The following PCDHGA8 variants were observed in gnomAD, a reference collection of about 807,000 sequenced individuals.
The protein encoded by PCDHGA8 is protocadherin gamma-A8.
PCDHGA8 carries 45 observed loss-of-function variants against 59.2 expected under a neutral mutation model. The observed-to-expected ratio is 0.76, with a 90% CI of 0.60 to 0.98. The LOEUF is 0.98. Ranked by LOEUF, PCDHGA8 falls within the 50% of genes least tolerant of loss-of-function variation. The probability of loss-of-function intolerance (pLI) is 0.00; values close to 1 mark genes in which losing one functional copy is unlikely to be tolerated. For missense variants in PCDHGA8, 1,257 were observed against 1,196.2 expected (o/e 1.05, Z -0.75); for synonymous variants, 531 against 519.0 (o/e 1.02, Z -0.32).
At chr5:141,438,571 T>TATAC (rs1212381177) in intron 1 of PCDHGA8, among the ~76,000 whole-genome samples, 15 of 94,542 alleles carry the variant, frequency 1.6e-4, no homozygotes, top group South Asian at 1.0e-3. Flanking sequence ...AGCTGTCTGA[T>TATAC]ATACATACAT....
chr5:141,474,551 C>G (rs1032524620), intron 1 of PCDHGA8, among the ~76,000 whole-genome samples: 35 of 152,312 alleles, frequency 2.3e-4, no homozygotes, highest in Non-Finnish European at 3.5e-4. Flanking sequence ...GCATTTAAAA[C>G]TGGGGGTTTT....
At chr5:141,398,392 A>T in intron 1 of PCDHGA8, 1 of 1,456,390 alleles carries the variant, frequency 6.9e-7, no homozygotes, top group Non-Finnish European at 9.5e-7. Context: ...TGTGAGCAGC[A>T]GGCTAGACAG....
chr5:141,442,051 C>G (rs1384937090), intron 1 of PCDHGA8: 1 of 197,158 alleles, frequency 5.1e-6, no homozygotes, highest in East Asian at 1.8e-4. Context: ...CTACTGGTCG[C>G]GGTGCACTGC....
intron 1 of PCDHGA8, among the ~76,000 whole-genome samples, chr5:141,471,046 CT>C (rs1170588345): frequency 0.24 from 27,253 of 113,216 alleles, 2,739 homozygotes; most frequent in African/African-American, 0.39. Context: ...CCCAAGCCCT[CT>C]TTTTTTTTTT....
intron 1 of PCDHGA8, among the ~76,000 whole-genome samples, chr5:141,454,796 A>ATTTTTTTTTTTTTTTTTTTTTT (rs61612330): frequency 5.2e-5 from 4 of 77,456 alleles, no homozygotes; most frequent in Non-Finnish European, 7.0e-5. Context: ...CATGGTTCTA[A>ATTTTTTTTTTTTTTTTTTTTTT]TTTTTTTTTT....
chr5:141,482,981 AGG>A (rs2099575420), intron 1 of PCDHGA8, among the ~76,000 whole-genome samples: 1 of 150,250 alleles, frequency 6.7e-6, no homozygotes, highest in African/African-American at 2.5e-5. Context: ...GCTACTTGAG[AGG>A]TCGAGGCAGG....
chr5:141,477,573 C>T lies in PCDHGA8; in HGVS notation c.2425-17234C>T, dbSNP rs1593790046. The T allele has an allele frequency of 6.2e-7, 1 of 1,614,056 alleles. No individual in the cohort carries two copies. Among genetic ancestry groups the T allele is most frequent in the South Asian group, 1.1e-5 (1 of 91,086 alleles). ...AACCTAAGTGTCTGGGACCCCGACGCCCCGCAGAATGCTCGGCTTTCTTTC... is the reference window on the plus strand; with the variant it reads ...AACCTAAGTGTCTGGGACCCCGACGTCCCGCAGAATGCTCGGCTTTCTTTC... On this transcript the variant is annotated intron_variant, in intron 1 of 3. Coordinates refer to ENST00000398604, the MANE Select transcript of PCDHGA8 (RefSeq NM_032088.2). This position sits in a 1 kb window ranked among gnomAD's most constrained non-coding sequence, Gnocchi z 4.9.
chr5:141,467,284 C>T (rs2099140788), intron 1 of PCDHGA8, among the ~76,000 whole-genome samples: 1 of 152,080 alleles, frequency 6.6e-6, no homozygotes, highest in Non-Finnish European at 1.5e-5. Context: ...AACTCTTGAC[C>T]TCAAGTGATC....
At chr5:141,453,932 C>T (rs57919166) in intron 1 of PCDHGA8, among the ~76,000 whole-genome samples, 2 of 152,296 alleles carry the variant, frequency 1.3e-5, no homozygotes, top group African/African-American at 4.8e-5. Context: ...TCACTGTGTG[C>T]CTATAATTTA....
In PCDHGA8 at chr5:141,432,039, G is replaced by A; in HGVS notation, c.2424+36802G>A. 1 of 1,614,176 alleles carries A rather than the reference G, an allele frequency of 6.2e-7. No individual in the cohort carries two copies. The highest frequency in any genetic ancestry group is 8.5e-7 in the Non-Finnish European group (1 of 1,180,028). ...AACATCACAGTGACCGCCACTGACC[G>A]GGGAACCCCGCCCCTATCCACGGAA... On this transcript the variant is annotated intron_variant, in intron 1 of 3. Coordinates refer to ENST00000398604, the MANE Select transcript of PCDHGA8 (RefSeq NM_032088.2). This position sits in a 1 kb window ranked among gnomAD's most constrained non-coding sequence, Gnocchi z 6.0.
chr5:141,399,133 G>T (rs1054849184), intron 1 of PCDHGA8: 2 of 1,613,832 alleles, frequency 1.2e-6, no homozygotes, highest in African/African-American at 1.3e-5. Flanking sequence ...TATTCAAGAT[G>T]AAAATGACAA....
intron 1 of PCDHGA8, among the ~76,000 whole-genome samples, chr5:141,459,742 T>C (rs2098974738): frequency 6.6e-6 from 1 of 152,248 alleles, no homozygotes; most frequent in Non-Finnish European, 1.5e-5. Context: ...TTTTAAATTT[T>C]AGCAATTCTA....
In PCDHGA8 at chr5:141,394,493, C is replaced by T. The variant is rs749651115; in HGVS notation, c.1680C>T (p.Pro560=). The T allele has an allele frequency of 1.2e-6, 2 of 1,614,222 alleles. No individual in the cohort carries two copies. The highest frequency in any genetic ancestry group is 1.7e-6 in the Non-Finnish European group (2 of 1,180,038). The stretch of plus-strand genomic sequence containing the variant: ...TGCTGGACCAGAATGACAACGCGCC[C>T]GAGATCCTGTACCCCGCCCTCCCCA... ...LFVLDQNDNA[P]EILYPALPTD... The change falls in exon 1 of 4, where the codon CCC becomes CCT. Residue 560 remains proline, a synonymous_variant. Coordinates refer to ENST00000398604, the MANE Select transcript of PCDHGA8 (RefSeq NM_032088.2).
Position 141,490,760 on chromosome 5 carries a change from T to G in PCDHGA8, c.2425-4047T>G. 1 of 1,614,070 alleles carries G rather than the reference T, an allele frequency of 6.2e-7. No individual in the cohort carries two copies. On this transcript the variant is annotated intron_variant, in intron 1 of 3. Coordinates refer to ENST00000398604, the MANE Select transcript of PCDHGA8 (RefSeq NM_032088.2). This position sits in a 1 kb window ranked among gnomAD's most constrained non-coding sequence, Gnocchi z 5.4. Reference sequence around the variant, plus strand: ...CAGGGAGCCCCAGCCTCCTCCTTTGTGTATGTCAACCCAGAGGATGGACGG... The same window carrying G: ...CAGGGAGCCCCAGCCTCCTCCTTTGGGTATGTCAACCCAGAGGATGGACGG...
In PCDHGA8 at chr5:141,432,513, G is replaced by T. The variant is rs755227021; in HGVS notation, c.2424+37276G>T. On this transcript the variant is annotated intron_variant, in intron 1 of 3. Coordinates refer to ENST00000398604, the MANE Select transcript of PCDHGA8 (RefSeq NM_032088.2). The surrounding 1 kb of genome is among the most constrained non-coding windows in gnomAD (Gnocchi z 6.0). ...CTGGCTCCCCGCTCCGCAGAGCCCG[G>T]CTACCTGGTGACCAAGGTGGTGGCG... The T allele has an allele frequency of 3.1e-6, 5 of 1,614,102 alleles. No individual in the cohort carries two copies. Among genetic ancestry groups the T allele is most frequent in the African/African-American group, 2.7e-5 (2 of 75,062 alleles).
At chr5:141,498,830 G>T (rs2099786149) in intron 2 of PCDHGA8, among the ~76,000 whole-genome samples, 1 of 152,080 alleles carries the variant, frequency 6.6e-6, no homozygotes, top group Non-Finnish European at 1.5e-5. Context: ...CTACTCAGGA[G>T]GCTGAGGCAG....
At chr5:141,447,032 C>A (rs1412709585) in intron 1 of PCDHGA8, among the ~76,000 whole-genome samples, 1 of 149,498 alleles carries the variant, frequency 6.7e-6, no homozygotes, top group Admixed American at 6.6e-5. Context: ...TGTTTTTTTT[C>A]TGTGTCTGGA....
At chr5:141,409,933 GGT>G in intron 1 of PCDHGA8, 1 of 1,613,354 alleles carries the variant, frequency 6.2e-7, no homozygotes, top group East Asian at 2.2e-5. Flanking sequence ...TCTTCGATAT[GGT>G]ACCTCGCTCT....
chr5:141,454,356 T>G (rs1461475653), intron 1 of PCDHGA8, among the ~76,000 whole-genome samples: 1 of 152,224 alleles, frequency 6.6e-6, no homozygotes, highest in East Asian at 1.9e-4. Context: ...TGATCCAAAC[T>G]TAGAAAGGAG....
Sources: gnomAD v4.1 joint callset for allele counts (sites outside exome capture counted in the v4.1 genomes callset) on GRCh38, gnomAD v4.1.1 for gene constraint, Gnocchi (gnomAD v3.1) non-coding constraint, MANE v1.5 for transcripts, NCBI Gene and HGNC (gene_info 2026-07-23, HGNC 2026-07-21) for gene names.